ADCYAP1: variants seen among roughly 807,000 people sequenced by gnomAD.
ADCYAP1 encodes the protein pituitary adenylate cyclase-activating polypeptide.
In ADCYAP1, 6 loss-of-function variants were observed where a neutral mutation model predicts 18.5. The observed-to-expected ratio is 0.32, with a 90% CI of 0.18 to 0.64. The LOEUF (loss-of-function observed/expected upper bound fraction) is 0.64, where lower values mean the gene tolerates loss of function less well. ADCYAP1 is among the 30% of genes least tolerant of loss of function. The pLI is 0.77. For missense variants in ADCYAP1, 314 were observed against 253.6 expected, an observed-to-expected ratio of 1.24 and a Z score of -1.62; for synonymous variants, 136 against 113.9, an observed-to-expected ratio of 1.19 and a Z score of -1.24.
intron 2 of ADCYAP1, chr18:905,775 C>T (rs1386654531): frequency 2.0e-6 from 1 of 490,370 alleles, no homozygotes; most frequent in Non-Finnish European, 3.6e-6. Context: ...CCCCCTCCCC[C>T]AACCCGGCCC....
chr18:909,383 C>T (rs1909298436), intron 4 of ADCYAP1, 63 bp from the exon 5 acceptor site: 2 of 1,521,032 alleles, frequency 1.3e-6, no homozygotes, highest in Non-Finnish European at 1.8e-6. Flanking sequence ...CCGCCTGCTC[C>T]CCGCGGCGAT....
chr18:909,642 G>C lies in ADCYAP1; in HGVS notation c.*7G>C, dbSNP rs760845880. The stretch of plus-strand genomic sequence containing the variant: ...CCGAATAGCTTATTTGTAGCGATGG[G>C]TTACCAGCTACCCTGTGTATACAGC... On this transcript the variant is annotated 3_prime_UTR_variant, in exon 5 of 5. Coordinates refer to ENST00000450565, the MANE Select transcript of ADCYAP1 (RefSeq NM_001099733.2). The C allele has an allele frequency of 6.2e-7, 1 of 1,612,366 alleles. No homozygotes were observed. Among genetic ancestry groups the C allele is most frequent in the South Asian group, 1.1e-5 (1 of 90,896 alleles).
At chr18:905,803 C>A (rs1296323699) in intron 2 of ADCYAP1, 31 of 459,320 alleles carry the variant, frequency 6.7e-5, no homozygotes, top group Admixed American at 7.5e-5. Context: ...GGGGGCAGGG[C>A]ACGGCCCCTA....
rs1215998566 is a variant in ADCYAP1 at position 905,415 on chromosome 18, C to T, written c.29C>T (p.Ala10Val). The T allele has an allele frequency of 1.1e-5, 17 of 1,612,848 alleles. No homozygotes were observed. The East Asian group carries it at 3.1e-4, about 30-fold the overall frequency. ...ACCATGTGTAGCGGAGCGAGGCTGG[C>T]CCTGCTGGTCTATGGGATAATCATG... MTMCSGARL[A>V]LLVYGIIMHS... The change falls in exon 2 of 5, where the codon GCC becomes GTC. Residue 10 changes from alanine (A) to valine (V), a missense_variant. By Grantham distance (64) the Ala-to-Val change is moderately conservative. Transcript: ENST00000450565.
upstream of ADCYAP1, chr18:904,670 C>T (rs985258649): frequency 1.6e-6 from 2 of 1,220,960 alleles, no homozygotes; most frequent in Non-Finnish European, 2.1e-6. Context: ...CCGCCCTCTC[C>T]CTTGCCTTCC....
At chr18:905,099 T>C in intron 1 of ADCYAP1, 39 bp downstream of exon 1, 1 of 1,335,550 alleles carries the variant, frequency 7.5e-7, no homozygotes. Context: ...ACCGGCTCAC[T>C]CGACTGCTGA....
At chr18:904,658 G>C, upstream of ADCYAP1, 1 of 1,224,920 alleles carries the variant, frequency 8.2e-7, no homozygotes, top group South Asian at 1.4e-5. Flanking sequence ...CGGGCTAGCC[G>C]CCCGCCCTCT....
Position 905,044 on chromosome 18 carries a change from G to C in ADCYAP1, c.-18G>C. Reference sequence around the variant, plus strand: ...GTCCTACCTGGCAGCTCTCCTGGCAGCGGGAGGAGTTGAAGGGTAAGGGAG... The same window carrying C: ...GTCCTACCTGGCAGCTCTCCTGGCACCGGGAGGAGTTGAAGGGTAAGGGAG... On this transcript the variant is annotated 5_prime_UTR_variant, in exon 1 of 5. Transcript: ENST00000450565. 7.7e-7 allele frequency: 1 copy of C among 1,297,682 alleles called. No individual in the cohort carries two copies. 80.4% of individuals were successfully genotyped at this position (1,297,682 alleles called of 1,614,324 possible).
chr18:904,921 C>CT lies in ADCYAP1; in HGVS notation c.-140dup. On this transcript the variant is annotated 5_prime_UTR_variant, in exon 1 of 5. Coordinates refer to ENST00000450565, the MANE Select transcript of ADCYAP1 (RefSeq NM_001099733.2). ...CCCGCAGCTCCTCCTGCTGCTCCCG[C>CT]TGGTTCCTGCGGCTTCTGCTCAGAC... 2 of 1,290,062 alleles carry CT rather than the reference C, an allele frequency of 1.6e-6. No individual in the cohort carries two copies. Among genetic ancestry groups the CT allele is most frequent in the Non-Finnish European group, 2.0e-6 (2 of 989,304 alleles). The allele number at this position is 1,290,062 out of a possible 1,614,324, so 79.9% of individuals were successfully genotyped here.
Position 911,852 on chromosome 18 carries a change from T to C in ADCYAP1, c.*2217T>C, listed in dbSNP as rs1164947314. The stretch of plus-strand genomic sequence containing the variant: ...TTTGTATCAGCTGTTAGTGGTGAAA[T>C]AGGGCTCTAGTTAACCTTTTATTTA... On this transcript the variant is annotated 3_prime_UTR_variant, in exon 5 of 5. Coordinates refer to ENST00000450565, the MANE Select transcript of ADCYAP1 (RefSeq NM_001099733.2). 3.9e-5 allele frequency: 6 copies of C among 152,226 alleles called. No individual in the cohort carries two copies. The highest frequency in any genetic ancestry group is 1.4e-4 in the African/African-American group (6 of 41,464). The allele number at this position is 152,226 out of a possible 1,614,324, so 9.4% of individuals were successfully genotyped here.
chr18:908,366 A>G lies in ADCYAP1; in HGVS notation c.341+3A>G. The G allele has an allele frequency of 6.2e-7, 1 of 1,611,308 alleles. No individual in the cohort carries two copies. The highest frequency in any genetic ancestry group is 8.5e-7 in the Non-Finnish European group (1 of 1,178,726). ...TCGCTCGTGGCCCGGGGCGTGGGGT[A>G]AGAGTTTGTGGAAGGATTAACCTGC... is the stretch of plus-strand genomic sequence containing the variant. On this transcript the variant is annotated splice_donor_region_variant and intron_variant, in intron 4 of 4. Coordinates refer to ENST00000450565, the MANE Select transcript of ADCYAP1 (RefSeq NM_001099733.2).
rs772027382 is a variant in ADCYAP1 at position 909,686 on chromosome 18, C to T, written c.*51C>T. On this transcript the variant is annotated 3_prime_UTR_variant, in exon 5 of 5. Coordinates refer to ENST00000450565, the MANE Select transcript of ADCYAP1 (RefSeq NM_001099733.2). ...ATACAGCCCTGACGCAATGAAAAGT[C>T]GTTTTCCAAACTGACTCAACAGTCA... is the stretch of plus-strand genomic sequence containing the variant. The T allele has an allele frequency of 4.5e-6, 7 of 1,543,386 alleles. No homozygotes were observed. In the South Asian group the frequency reaches 6.0e-5, roughly 13 times the overall value.
rs1909347322 is a variant in ADCYAP1, at chr18:910,431, G to A, written c.*796G>A. The A allele has an allele frequency of 6.6e-6, 1 of 152,246 alleles. No homozygotes were observed. The highest frequency in any genetic ancestry group is 1.5e-5 in the Non-Finnish European group (1 of 68,056). The allele number at this position is 152,246 out of a possible 1,614,324, so 9.4% of individuals were successfully genotyped here. On this transcript the variant is annotated 3_prime_UTR_variant, in exon 5 of 5. Coordinates refer to ENST00000450565, the MANE Select transcript of ADCYAP1 (RefSeq NM_001099733.2). The stretch of plus-strand genomic sequence containing the variant: ...GTTGAGGAACTGTACAGAAAAGGGC[G>A]GCTTCGTTAGACCGCTCTCTTTTCT...
chr18:908,075 G>A, intron 3 of ADCYAP1, 190 bp from the exon 4 acceptor site: 1 of 671,116 alleles, frequency 1.5e-6, no homozygotes. Flanking sequence ...CCTAGAGCCG[G>A]GACTAGCTCC....
Position 905,173 on chromosome 18 carries a change from G to A in ADCYAP1, c.-2+113G>A. ...CTTCAGCCGGGTCTGGCTAGTTATT[G>A]GGCGCCGGGTAGATGCATATATATA... On this transcript the variant is annotated intron_variant, in intron 1 of 4. Coordinates refer to ENST00000450565, the MANE Select transcript of ADCYAP1 (RefSeq NM_001099733.2). 3 of 1,410,114 alleles carry A rather than the reference G, an allele frequency of 2.1e-6. No individual in the cohort carries two copies. In the South Asian group the frequency reaches 4.5e-5, roughly 21 times the overall value. 87.4% of individuals were successfully genotyped at this position (1,410,114 alleles called of 1,614,324 possible).
At chr18:909,210 C>T (rs888072620) in intron 4 of ADCYAP1, among the ~76,000 whole-genome samples, 14 of 152,108 alleles carry the variant, frequency 9.2e-5, no homozygotes, top group Non-Finnish European at 7.3e-5. Flanking sequence ...TTATCCCGGG[C>T]CCCCTCCGCA....
upstream of ADCYAP1, chr18:904,624 C>T: frequency 8.0e-7 from 1 of 1,248,380 alleles, no homozygotes; most frequent in South Asian, 1.3e-5. Flanking sequence ...CTCGCGGCTG[C>T]CTGGCCCGCG....
At chr18:907,878 T>A (rs75138906) in intron 3 of ADCYAP1, 88 bp downstream of exon 3, 5 of 172,906 alleles carry the variant, frequency 2.9e-5, no homozygotes, top group Middle Eastern at 1.5e-3. Flanking sequence ...CCACCCAGGA[T>A]TTTTTTTTTT....
rs369947878 is a variant in ADCYAP1 at position 908,343 on chromosome 18, G to T, written c.321G>T (p.Ser107=). Residue 107 remains serine, a synonymous_variant, in exon 4 of 5, where the codon TCG becomes TCT. Transcript: ENST00000450565. The part of the protein sequence containing the change: ...DQLSAGKHLQ[S]LVARGVGGSL... ...TGTCCGCCGGGAAGCACCTGCAGTCGCTCGTGGCCCGGGGCGTGGGGTAAG... is the reference window on the plus strand; with the variant it reads ...TGTCCGCCGGGAAGCACCTGCAGTCTCTCGTGGCCCGGGGCGTGGGGTAAG... 9 of 1,613,104 alleles carry T rather than the reference G, an allele frequency of 5.6e-6. No individual in the cohort carries two copies. Among genetic ancestry groups the T allele is most frequent in the African/African-American group, 1.3e-5 (1 of 74,916 alleles).
Sources: gnomAD v4.1 joint callset for allele counts (sites outside exome capture counted in the v4.1 genomes callset) on GRCh38, gnomAD v4.1.1 for gene constraint, MANE v1.5 for transcripts, NCBI Gene and HGNC (gene_info 2026-07-23, HGNC 2026-07-21) for gene names.